Variants in KCNAB1 observed in about 807,000 individuals in gnomAD.
KCNAB1 encodes the protein voltage-gated potassium channel subunit beta-1.
In KCNAB1, 35 loss-of-function variants were observed where a neutral mutation model predicts 64.6. The observed-to-expected ratio is 0.54, with a 90% CI of 0.41 to 0.72. KCNAB1 has a LOEUF of 0.72. Ranked by LOEUF, KCNAB1 falls within the 30% of genes least tolerant of loss-of-function variation. The pLI, the probability that KCNAB1 is intolerant of heterozygous loss-of-function variation, is 0.00. For missense variants in KCNAB1, 401 were observed against 512.9 expected (o/e 0.78, Z 2.11); for synonymous variants, 177 against 183.8 (o/e 0.96, Z 0.30).
At chr3:156,274,590 T>A (rs1286121943) in intron 1 of KCNAB1, among the ~76,000 whole-genome samples, 1 of 152,142 alleles carries the variant, frequency 6.6e-6, no homozygotes, top group East Asian at 1.9e-4. Context: ...AAAATAACTA[T>A]CTCTGTGATG....
At chr3:156,349,265 C>T (rs1724700250) in intron 1 of KCNAB1, among the ~76,000 whole-genome samples, 3 of 152,160 alleles carry the variant, frequency 2.0e-5, no homozygotes, top group Non-Finnish European at 4.4e-5. Flanking sequence ...AGTGCATTCA[C>T]ATCATGTTCC....
chr3:156,231,667 A>G (rs1321421680), intron 1 of KCNAB1, among the ~76,000 whole-genome samples: 2 of 151,988 alleles, frequency 1.3e-5, no homozygotes, highest in South Asian at 2.1e-4. Context: ...TACCTAAGCA[A>G]TTCCTCTGCA....
intron 1 of KCNAB1, chr3:156,176,142 A>T (rs1292687691): frequency 1.8e-5 from 14 of 770,314 alleles, no homozygotes; most frequent in Non-Finnish European, 3.2e-5. Context: ...CATCCCAGAC[A>T]CGAACTGTAT....
At chr3:156,441,376 T>C (rs1352017232) in intron 2 of KCNAB1, 1 of 152,180 alleles carries the variant, frequency 6.6e-6, no homozygotes, top group Non-Finnish European at 1.5e-5. Context: ...ACACATTGAC[T>C]TTCAAACTTC....
chr3:156,342,887 C>T (rs1170405299), intron 1 of KCNAB1, among the ~76,000 whole-genome samples: 1 of 152,088 alleles, frequency 6.6e-6, no homozygotes, highest in African/African-American at 2.4e-5. Flanking sequence ...CACAAGAATT[C>T]TTCCTGAGCA....
At chr3:156,431,779 A>G (rs1716227688) in intron 2 of KCNAB1, among the ~76,000 whole-genome samples, 1 of 152,236 alleles carries the variant, frequency 6.6e-6, no homozygotes, top group Non-Finnish European at 1.5e-5. Flanking sequence ...TCACCTGGAC[A>G]GTGGACCCAT....
chr3:156,384,688 G>A (rs1006059573), intron 1 of KCNAB1, among the ~76,000 whole-genome samples: 6 of 152,306 alleles, frequency 3.9e-5, no homozygotes, highest in South Asian at 2.1e-4. Flanking sequence ...GATGTGCTGG[G>A]ATAGGCTTCT....
intron 1 of KCNAB1, among the ~76,000 whole-genome samples, chr3:156,378,253 C>G (rs776697353): frequency 6.6e-6 from 1 of 152,014 alleles, no homozygotes; most frequent in South Asian, 2.1e-4. Flanking sequence ...GGTCTGCAAA[C>G]TAGGACACCT....
At chr3:156,413,420 T>C (rs779401763) in intron 1 of KCNAB1, among the ~76,000 whole-genome samples, 1 of 152,178 alleles carries the variant, frequency 6.6e-6, no homozygotes, top group African/African-American at 2.4e-5. Flanking sequence ...GTTTGTCTAA[T>C]AACAGCTTGC....
At chr3:156,315,265 G>T (rs1170115732) in intron 1 of KCNAB1, among the ~76,000 whole-genome samples, 1 of 152,064 alleles carries the variant, frequency 6.6e-6, no homozygotes, top group Non-Finnish European at 1.5e-5. Context: ...TGGAAAAGGA[G>T]GCCATCATCA....
chr3:156,208,562 GA>G (rs1367708147), intron 1 of KCNAB1, among the ~76,000 whole-genome samples: 1 of 152,168 alleles, frequency 6.6e-6, no homozygotes, highest in Non-Finnish European at 1.5e-5. Flanking sequence ...TGACAACTTG[GA>G]GGGGGAAAGA....
intron 1 of KCNAB1, among the ~76,000 whole-genome samples, chr3:156,157,501 G>C (rs942997718): frequency 1.3e-5 from 2 of 152,140 alleles, no homozygotes; most frequent in Non-Finnish European, 2.9e-5. Context: ...AAGACATTGT[G>C]CTCTTATTCT....
intron 1 of KCNAB1, among the ~76,000 whole-genome samples, chr3:156,214,122 C>A (rs1019887038): frequency 6.6e-6 from 1 of 152,160 alleles, no homozygotes; most frequent in East Asian, 1.9e-4. Context: ...TAGACCTTGC[C>A]CTATGTACCT....
intron 1 of KCNAB1, among the ~76,000 whole-genome samples, chr3:156,148,063 T>C (rs1715162186): frequency 1.3e-5 from 2 of 152,230 alleles, no homozygotes; most frequent in South Asian, 4.2e-4. Flanking sequence ...TCCCCGTTAT[T>C]GTGCTCTGTG....
intron 8 of KCNAB1, among the ~76,000 whole-genome samples, chr3:156,477,718 A>G (rs1714472153): frequency 6.6e-6 from 1 of 152,138 alleles, no homozygotes; most frequent in Non-Finnish European, 1.5e-5. Context: ...CTGGAAACAC[A>G]TCTATACATA....
At chr3:156,261,245 T>G (rs1718413760) in intron 1 of KCNAB1, among the ~76,000 whole-genome samples, 1 of 152,050 alleles carries the variant, frequency 6.6e-6, no homozygotes, top group Non-Finnish European at 1.5e-5. Context: ...TAATTTTTAT[T>G]TTTAGGAAGT....
intron 1 of KCNAB1, among the ~76,000 whole-genome samples, chr3:156,362,969 G>A (rs966262796): frequency 2.0e-5 from 3 of 152,200 alleles, no homozygotes; most frequent in African/African-American, 4.8e-5. Flanking sequence ...AGGTTTTCTG[G>A]CCATGTGGAG....
intron 7 of KCNAB1, among the ~76,000 whole-genome samples, chr3:156,474,312 G>A (rs1251180214): frequency 6.6e-6 from 1 of 152,196 alleles, no homozygotes; most frequent in Non-Finnish European, 1.5e-5. Context: ...AGTTTTATGT[G>A]TAATAAATGT....
chr3:156,520,130 G>C (rs575513731), intron 11 of KCNAB1, among the ~76,000 whole-genome samples: 3 of 152,168 alleles, frequency 2.0e-5, no homozygotes, highest in Non-Finnish European at 4.4e-5. Context: ...TGATGAGTAC[G>C]TAAGAGGTAC....
Sources: gnomAD v4.1 joint callset for allele counts (sites outside exome capture counted in the v4.1 genomes callset) on GRCh38, gnomAD v4.1.1 for gene constraint, MANE v1.5 for transcripts, NCBI Gene and HGNC (gene_info 2026-07-23, HGNC 2026-07-21) for gene names.